Variants in ZBTB20 observed in about 807,000 individuals in gnomAD.
The protein encoded by ZBTB20 is zinc finger and BTB domain containing 20.
Under a neutral mutation model 56.9 loss-of-function variants are expected in ZBTB20, and 9 were observed. That is an observed-to-expected ratio of 0.16 (90% confidence interval 0.10 to 0.28). The LOEUF is 0.28. ZBTB20 is among the 10% of genes least tolerant of loss of function. The pLI is 1.00. For synonymous variants in ZBTB20, 417 were observed against 420.7 expected (o/e 0.99, Z 0.11); for missense variants, 655 against 1,003.0 (o/e 0.65, Z 4.69).
At chr3:115,024,442 T>C (rs1206001536) in intron 2 of ZBTB20, among the ~76,000 whole-genome samples, 4 of 151,026 alleles carry the variant, frequency 2.6e-5, no homozygotes, top group South Asian at 2.1e-4. Flanking sequence ...CTCTACGTTA[T>C]TCCTTGGATT....
chr3:114,820,774 A>T (rs1031841596), intron 4 of ZBTB20, among the ~76,000 whole-genome samples: 3 of 152,124 alleles, frequency 2.0e-5, no homozygotes, highest in African/African-American at 7.2e-5. Flanking sequence ...TGAAGAACAC[A>T]ATAATTTTCC....
At chr3:114,836,667 C>T (rs543539013) in intron 4 of ZBTB20, among the ~76,000 whole-genome samples, 9 of 152,210 alleles carry the variant, frequency 5.9e-5, no homozygotes, top group East Asian at 1.9e-4. Context: ...ATCAATAAGC[C>T]GCATTAACCC....
chr3:114,597,156 C>T (rs1166192108), intron 6 of ZBTB20, among the ~76,000 whole-genome samples: 1 of 152,034 alleles, frequency 6.6e-6, no homozygotes, highest in South Asian at 2.1e-4. Context: ...TATTTTATGC[C>T]AAGACACAAA....
At chr3:114,772,520 G>T (rs2069290279) in intron 5 of ZBTB20, among the ~76,000 whole-genome samples, 1 of 151,798 alleles carries the variant, frequency 6.6e-6, no homozygotes, top group South Asian at 2.1e-4. Context: ...TCTACCTCAA[G>T]CCCTAATGGT....
chr3:115,133,847 T>C (rs888352411), intron 1 of ZBTB20, among the ~76,000 whole-genome samples: 1 of 152,226 alleles, frequency 6.6e-6, no homozygotes, highest in Non-Finnish European at 1.5e-5. Flanking sequence ...TATTTGAGTA[T>C]AAATTTTATG....
rs541594837 is a variant in ZBTB20, at chr3:114,754,204, C to T, written c.-343+46897G>A. On this transcript the variant is annotated intron_variant, in intron 5 of 11. Transcript: ENST00000675478. Reference sequence around the variant, plus strand: ...GCCATTTAGGCTCCAGCATCTTTTACAGGCCAGCTGAGCCACCAGAAGGGA... The same window carrying T: ...GCCATTTAGGCTCCAGCATCTTTTATAGGCCAGCTGAGCCACCAGAAGGGA... 2.0e-5 allele frequency among the ~76,000 whole-genome samples: 3 copies of T among 152,298 alleles called. No individual in the cohort carries two copies. In the East Asian group the frequency reaches 5.8e-4, roughly 29 times the overall value.
chr3:114,383,294 T>C (rs1246321907), intron 8 of ZBTB20, among the ~76,000 whole-genome samples: 1 of 152,268 alleles, frequency 6.6e-6, no homozygotes, highest in Non-Finnish European at 1.5e-5. Flanking sequence ...GGGCCTAGGA[T>C]ACTTTCAGAT....
chr3:114,504,318 A>T (rs2044346340), intron 6 of ZBTB20, among the ~76,000 whole-genome samples: 1 of 152,146 alleles, frequency 6.6e-6, no homozygotes, highest in African/African-American at 2.4e-5. Context: ...CTATCTACTG[A>T]GTCCTTCAGG....
chr3:115,048,581 G>C (rs2081423198), intron 2 of ZBTB20, among the ~76,000 whole-genome samples: 1 of 151,984 alleles, frequency 6.6e-6, no homozygotes, highest in Non-Finnish European at 1.5e-5. Context: ...CAAATGTTGA[G>C]GTAATTATTA....
Position 114,784,493 on chromosome 3 carries a change from T to C in ZBTB20, c.-343+16608A>G, listed in dbSNP as rs554693700. On this transcript the variant is annotated intron_variant, in intron 5 of 11. Coordinates refer to ENST00000675478, the MANE Select transcript of ZBTB20 (RefSeq NM_001348800.3). The stretch of plus-strand genomic sequence containing the variant: ...ATAAAAGAATTGTAATCAGTTCAAG[T>C]AGTCTTAAATATAGTGAAAATGTCC... 8.5e-5 allele frequency among the ~76,000 whole-genome samples: 13 copies of C among 152,342 alleles called. No homozygotes were observed. The East Asian group carries it at 1.3e-3, about 16-fold the overall frequency.
intron 10 of ZBTB20, among the ~76,000 whole-genome samples, chr3:114,363,465 A>G (rs2082086208): frequency 6.6e-6 from 1 of 152,246 alleles, no homozygotes; most frequent in African/African-American, 2.4e-5. Flanking sequence ...TTTGCCTAGG[A>G]AACCTGAAAT....
At chr3:114,970,246 C>T (rs1038740619) in intron 3 of ZBTB20, among the ~76,000 whole-genome samples, 3 of 152,070 alleles carry the variant, frequency 2.0e-5, no homozygotes, top group African/African-American at 7.2e-5. Context: ...GTTGTGGGTA[C>T]GGGTTAGTAT....
chr3:115,056,827 T>A (rs1408338909), intron 2 of ZBTB20, among the ~76,000 whole-genome samples: 1 of 152,074 alleles, frequency 6.6e-6, no homozygotes, highest in East Asian at 1.9e-4. Flanking sequence ...GGGCTTAATA[T>A]GAGAAAAGGA....
chr3:114,808,659 TTCATTATCTATTTCA>T (rs2072296153), intron 4 of ZBTB20, among the ~76,000 whole-genome samples: 2 of 152,000 alleles, frequency 1.3e-5, no homozygotes, highest in African/African-American at 2.4e-5. Flanking sequence ...CTCTATTATT[TTCATTATCTATTTCA>T]TTGATTTCTG....
chr3:114,315,961 T>C lies in ZBTB20; in HGVS notation c.*23044A>G, dbSNP rs562816864. The C allele has an allele frequency of 2.6e-5, 4 of 154,130 alleles. No individual in the cohort carries two copies. Among genetic ancestry groups the C allele is most frequent in the Non-Finnish European group, 5.7e-5 (4 of 69,644 alleles). 9.5% of individuals were successfully genotyped at this position (154,130 alleles called of 1,614,324 possible). A position where few individuals can be genotyped will look rare whatever the true frequency, so the allele number is the denominator to read the frequency against. On this transcript the variant is annotated 3_prime_UTR_variant, in exon 12 of 12. Transcript: ENST00000675478. ...AAGGTGCTTCAAAAAAGGTTTTTTG[T>C]TTTTTTGTTTTTTTTTTCAGTTTTT...
chr3:115,142,907 G>C (rs1017038067), intron 1 of ZBTB20, among the ~76,000 whole-genome samples: 8 of 152,118 alleles, frequency 5.3e-5, no homozygotes, highest in African/African-American at 1.9e-4. Context: ...CCACGGCACA[G>C]GATGGGAGGG....
At chr3:114,858,269 C>G (rs1201055385) in intron 4 of ZBTB20, among the ~76,000 whole-genome samples, 1 of 152,172 alleles carries the variant, frequency 6.6e-6, no homozygotes, top group Non-Finnish European at 1.5e-5. Flanking sequence ...CTCCCACAGA[C>G]ATGGCTTTTA....
At chr3:114,347,120 G>C in intron 11 of ZBTB20, among the ~76,000 whole-genome samples, 1 of 105,856 alleles carries the variant, frequency 9.4e-6, no homozygotes, top group Non-Finnish European at 1.8e-5. Context: ...TAAGAGATAG[G>C]TACCCAGGTT....
At chr3:114,789,239 T>C (rs2070768506) in intron 5 of ZBTB20, among the ~76,000 whole-genome samples, 1 of 152,226 alleles carries the variant, frequency 6.6e-6, no homozygotes, top group East Asian at 1.9e-4. Flanking sequence ...ATCTGTGTGA[T>C]GATACATAGA....
Sources: allele counts gnomAD v4.1 joint callset (sites outside exome capture counted in the v4.1 genomes callset), GRCh38; gene constraint gnomAD v4.1.1; transcripts MANE v1.5; gene names NCBI Gene and HGNC (gene_info 2026-07-23, HGNC 2026-07-21).